The following NEK10 variants were observed in gnomAD, a reference collection of about 807,000 sequenced individuals.
The protein encoded by NEK10 is NIMA related kinase 10.
Under a neutral mutation model 159.8 loss-of-function variants are expected in NEK10, and 122 were observed. The ratio of observed to expected loss-of-function variants is 0.76; its 90% confidence interval spans 0.66 to 0.89. NEK10 has a LOEUF of 0.89. Ranked by LOEUF, NEK10 falls within the 40% of genes least tolerant of loss-of-function variation. The pLI is 0.00. For synonymous variants in NEK10, 466 were observed against 457.1 expected (o/e 1.02, Z -0.25); for missense variants, 1,342 against 1,323.1 (o/e 1.01, Z -0.22).
chr3:27,117,934 G>A lies in NEK10; in HGVS notation c.3191-1807C>T, dbSNP rs146781422. On this transcript the variant is annotated intron_variant, in intron 33 of 35. Transcript: ENST00000691995. ...TGGTATTGTCTAGATTTTCTTCTAG[G>A]GTTTTTATAATTTTGGGTTTTACAT... Among the ~76,000 whole-genome samples, 483 of 152,124 alleles carry A rather than the reference G, an allele frequency of 3.2e-3. 3 individuals carry two copies. The highest frequency in any genetic ancestry group is 0.011 in the African/African-American group (467 of 41,500).
intron 29 of NEK10, among the ~76,000 whole-genome samples, chr3:27,167,790 T>G (rs1389889320): frequency 1.3e-5 from 2 of 152,222 alleles, no homozygotes; most frequent in African/African-American, 2.4e-5. Context: ...TAAAAAAAGT[T>G]TTATCAACTG....
In NEK10 at chr3:27,107,093, T is replaced by A. The variant is rs1321075197; in HGVS notation, c.*4179A>T. Among the ~76,000 whole-genome samples the A allele has an allele frequency of 6.6e-6, 1 of 152,138 alleles. No homozygotes were observed. Among genetic ancestry groups the A allele is most frequent in the Non-Finnish European group, 1.5e-5 (1 of 68,030 alleles). On this transcript the variant is annotated 3_prime_UTR_variant, in exon 36 of 36. Coordinates refer to ENST00000691995, the MANE Select transcript of NEK10 (RefSeq NM_001394966.1). ...TGAACTGTATCTTAAATTTTTTATA[T>A]TATTAGACAATTGTTACATACATGC...
At position 27,291,387 on chromosome 3, in the gene NEK10, C is replaced by T; in HGVS notation, c.1480G>A (p.Asp494Asn). 6.2e-7 allele frequency: 1 copy of T among 1,611,144 alleles called. No individual in the cohort carries two copies. The highest frequency in any genetic ancestry group is 8.5e-7 in the Non-Finnish European group (1 of 1,178,584). Reference sequence around the variant, plus strand: ...TTTTCAGCAATTTGCTTCAGTTCATCCTCCTAATCAAAATATAAAAAGGAA... The same window carrying T: ...TTTTCAGCAATTTGCTTCAGTTCATTCTCCTAATCAAAATATAAAAAGGAA... The part of the protein sequence containing the change: ...LVSKLNLLVE[D>N]ELKQIAENIE... The change falls in exon 18 of 36, where the codon GAT (aspartate) becomes AAT (asparagine). Residue 494 changes from aspartate (D) to asparagine (N), a missense_variant. By Grantham distance (23) the Asp-to-Asn change is conservative (BLOSUM62 1). Coordinates refer to ENST00000691995, the MANE Select transcript of NEK10 (RefSeq NM_001394966.1).
At chr3:27,183,028 T>C (rs1272702339) in intron 26 of NEK10, among the ~76,000 whole-genome samples, 2 of 152,008 alleles carry the variant, frequency 1.3e-5, no homozygotes, top group Non-Finnish European at 2.9e-5. Context: ...AGGGTGGCTA[T>C]AGCTAACAAT....
chr3:27,166,054 G>A (rs1481705230), intron 29 of NEK10, among the ~76,000 whole-genome samples: 1 of 152,206 alleles, frequency 6.6e-6, no homozygotes, highest in Admixed American at 6.5e-5. Flanking sequence ...CTTATGAAAT[G>A]AGAGGTTTGG....
At chr3:27,266,395 TG>T (rs144756481) in intron 22 of NEK10, among the ~76,000 whole-genome samples, 6,252 of 152,268 alleles carry the variant, frequency 0.041, 211 homozygotes, top group African/African-American at 0.096. Context: ...GATTTTTTTA[TG>T]GGGATTTGCA....
In NEK10 at chr3:27,292,237, C is replaced by T. The variant is rs533483742; in HGVS notation, c.1374-651G>A. Among the ~76,000 whole-genome samples, 3 of 152,098 alleles carry T rather than the reference C, an allele frequency of 2.0e-5. No homozygotes were observed. The South Asian group carries it at 6.2e-4, about 32-fold the overall frequency. The stretch of plus-strand genomic sequence containing the variant: ...AAAATTAGATATGATACAGATTATA[C>T]AAAAATCTTACTTGTAAGATATTTG... On this transcript the variant is annotated intron_variant, in intron 16 of 35. Coordinates refer to ENST00000691995, the MANE Select transcript of NEK10 (RefSeq NM_001394966.1).
At chr3:27,206,947 C>G (rs1313199235) in intron 23 of NEK10, among the ~76,000 whole-genome samples, 1 of 152,126 alleles carries the variant, frequency 6.6e-6, no homozygotes, top group African/African-American at 2.4e-5. Context: ...TCCTGGGAAA[C>G]ATTTCTATTT....
chr3:27,187,184 A>T (rs1303537368), intron 26 of NEK10, among the ~76,000 whole-genome samples: 2 of 152,296 alleles, frequency 1.3e-5, no homozygotes, highest in Non-Finnish European at 2.9e-5. Context: ...ATGTCATCTA[A>T]GTTCAGCAGG....
intron 29 of NEK10, among the ~76,000 whole-genome samples, chr3:27,168,614 T>G (rs1292839129): frequency 6.6e-6 from 1 of 152,236 alleles, no homozygotes; most frequent in East Asian, 1.9e-4. Flanking sequence ...TTATCATTTA[T>G]TTTCTTCTGA....
intron 25 of NEK10, among the ~76,000 whole-genome samples, chr3:27,193,020 C>A (rs1416469596): frequency 6.6e-6 from 1 of 152,156 alleles, no homozygotes; most frequent in Non-Finnish European, 1.5e-5. Context: ...AGATAGCCCA[C>A]CTGTAAAATG....
In NEK10 at chr3:27,176,865, C is replaced by T. The variant is rs146997547; in HGVS notation, c.2506-2032G>A. ...TTTTGAATTGAGAAAACTTTTTATTCTGTCGATGCAATTAAGATGCTGGAA... is the reference window on the plus strand; with the variant it reads ...TTTTGAATTGAGAAAACTTTTTATTTTGTCGATGCAATTAAGATGCTGGAA... On this transcript the variant is annotated intron_variant, in intron 26 of 35. Transcript: ENST00000691995. Among the ~76,000 whole-genome samples, 457 of 152,282 alleles carry T rather than the reference C, an allele frequency of 3.0e-3. 1 individual carries two copies. Among genetic ancestry groups the T allele is most frequent in the Admixed American group, 6.3e-3 (97 of 15,292 alleles).
intron 25 of NEK10, 98 bp from the exon 26 acceptor site, chr3:27,192,340 T>C (rs560520635): frequency 3.0e-5 from 25 of 833,592 alleles, no homozygotes; most frequent in South Asian, 1.9e-4. Context: ...GTGTCCACTA[T>C]GGTATTTTCA....
At chr3:27,151,793 TAG>T (rs1944902689) in intron 30 of NEK10, among the ~76,000 whole-genome samples, 1 of 152,082 alleles carries the variant, frequency 6.6e-6, no homozygotes, top group Non-Finnish European at 1.5e-5. Context: ...TTCAGGGAAA[TAG>T]ATAGTTTAAA....
Position 27,224,479 on chromosome 3 carries a change from T to C in NEK10, c.2091-21922A>G, listed in dbSNP as rs190115424. On this transcript the variant is annotated intron_variant, in intron 23 of 35. Coordinates refer to ENST00000691995, the MANE Select transcript of NEK10 (RefSeq NM_001394966.1). ...AGGCCTATGGGCAAACTTTCATCAA[T>C]GAGAGACAGGAAATGAATTATTCTT... Among the ~76,000 whole-genome samples, 249 of 152,324 alleles carry C rather than the reference T, an allele frequency of 1.6e-3. 1 individual carries two copies. Among genetic ancestry groups the C allele is most frequent in the African/African-American group, 5.7e-3 (237 of 41,572 alleles).
chr3:27,311,390 C>A (rs572519037), intron 8 of NEK10: 1 of 163,916 alleles, frequency 6.1e-6, no homozygotes, highest in East Asian at 1.8e-4. Context: ...ATGAGAGGAA[C>A]CTGCACGTTT....
chr3:27,358,965 G>T (rs925587265), intron 1 of NEK10, among the ~76,000 whole-genome samples: 1 of 152,116 alleles, frequency 6.6e-6, no homozygotes, highest in African/African-American at 2.4e-5. Context: ...AACACTTTGG[G>T]AGGCCAAGGC....
chr3:27,188,452 A>G (rs1948820806), intron 26 of NEK10, among the ~76,000 whole-genome samples: 1 of 152,216 alleles, frequency 6.6e-6, no homozygotes, highest in African/African-American at 2.4e-5. Flanking sequence ...ATTATATACC[A>G]CAGGCATTTT....
intron 28 of NEK10, among the ~76,000 whole-genome samples, chr3:27,172,676 C>T (rs1478127889): frequency 6.6e-6 from 1 of 151,948 alleles, no homozygotes; most frequent in Non-Finnish European, 1.5e-5. Context: ...ATTACCCATA[C>T]AATGTATAAT....
Sources: gnomAD v4.1 joint callset for allele counts (sites outside exome capture counted in the v4.1 genomes callset) on GRCh38, gnomAD v4.1.1 for gene constraint, MANE v1.5 for transcripts, NCBI Gene and HGNC (gene_info 2026-07-23, HGNC 2026-07-21) for gene names.